Variants in CR1L observed in about 807,000 individuals in gnomAD.
CR1L encodes complement C3b/C4b receptor 1 like.
In CR1L, 59 loss-of-function variants were observed where a neutral mutation model predicts 62.3. The ratio of observed to expected loss-of-function variants is 0.95; its 90% CI spans 0.77 to 1.18. CR1L has a LOEUF of 1.18. Ranked by LOEUF, CR1L falls within the 50% of genes most tolerant of loss-of-function variation. The pLI is 0.00. For missense variants in CR1L, 700 were observed against 702.8 expected, an observed-to-expected ratio of 1.00 and a Z score of 0.04; for synonymous variants, 279 against 248.7, an observed-to-expected ratio of 1.12 and a Z score of -1.15.
intron 9 of CR1L, among the ~76,000 whole-genome samples, chr1:207,705,365 C>T (rs988091284): frequency 6.6e-6 from 1 of 152,204 alleles, no homozygotes; most frequent in African/African-American, 2.4e-5. Context: ...CAACCTATAA[C>T]AGAGTCCCTT....
Position 207,684,865 on chromosome 1 carries a change from T to C in CR1L, c.463+908T>C, listed in dbSNP as rs554629529. On this transcript the variant is annotated intron_variant, in intron 4 of 11. Coordinates refer to ENST00000508064, the MANE Select transcript of CR1L (RefSeq NM_175710.2). The stretch of plus-strand genomic sequence containing the variant: ...TGTCTTACTCTTCTCTTTGGATAAC[T>C]TGGGGACTTCTTTACTTTTCTTCTT... Among the ~76,000 whole-genome samples the C allele has an allele frequency of 4.6e-5, 7 of 152,366 alleles. No individual in the cohort carries two copies. The East Asian group carries it at 1.2e-3, about 25-fold the overall frequency.
intron 1 of CR1L, among the ~76,000 whole-genome samples, chr1:207,666,064 A>T (rs1663518360): frequency 6.6e-6 from 1 of 152,226 alleles, no homozygotes. Context: ...GAAAGAGCTA[A>T]CACGTGTACT....
chr1:207,657,812 C>A (rs374009157), intron 1 of CR1L, among the ~76,000 whole-genome samples: 2 of 152,150 alleles, frequency 1.3e-5, no homozygotes, highest in Non-Finnish European at 2.9e-5. Context: ...ACAAAGAAAT[C>A]ACAGAATAAC....
chr1:207,688,831 T>G (rs76118261), intron 4 of CR1L, among the ~76,000 whole-genome samples: 5,830 of 152,214 alleles, frequency 0.038, 179 homozygotes, highest in South Asian at 0.12. Flanking sequence ...TTTTAAAATT[T>G]TATTCTCTAT....
chr1:207,649,088 T>G (rs192433097), intron 1 of CR1L, among the ~76,000 whole-genome samples: 1 of 152,080 alleles, frequency 6.6e-6, no homozygotes, highest in Non-Finnish European at 1.5e-5. Context: ...GAGAGATCCA[T>G]GCAGGGGAGA....
At chr1:207,710,755 G>A (rs1335231919) in intron 10 of CR1L, 56 of 1,608,196 alleles carry the variant, frequency 3.5e-5, no homozygotes, top group Non-Finnish European at 4.7e-5. Flanking sequence ...CTGAACAAAT[G>A]GGAGCCGGAG....
chr1:207,711,146 C>G (rs1019570758), intron 10 of CR1L, among the ~76,000 whole-genome samples: 2 of 152,192 alleles, frequency 1.3e-5, no homozygotes, highest in African/African-American at 2.4e-5. Flanking sequence ...TTATTTAAAA[C>G]AACACTGTCT....
intron 1 of CR1L, among the ~76,000 whole-genome samples, chr1:207,672,233 T>C (rs1328951336): frequency 6.6e-6 from 1 of 150,608 alleles, no homozygotes; most frequent in Non-Finnish European, 1.5e-5. Flanking sequence ...GGAGTAGCTG[T>C]GTTAATTTCA....
At chr1:207,706,795 G>A (rs1336681172) in intron 9 of CR1L, among the ~76,000 whole-genome samples, 2 of 152,076 alleles carry the variant, frequency 1.3e-5, no homozygotes, top group African/African-American at 2.4e-5. Context: ...TTTTAAAAAG[G>A]AGAATGATGA....
intron 10 of CR1L, among the ~76,000 whole-genome samples, chr1:207,711,043 T>C (rs1664349942): frequency 6.6e-6 from 1 of 152,244 alleles, no homozygotes; most frequent in Non-Finnish European, 1.5e-5. Context: ...CAGGGCAAAG[T>C]ACCAGCTGCA....
intron 1 of CR1L, among the ~76,000 whole-genome samples, chr1:207,645,737 T>A (rs959073278): frequency 1.3e-5 from 2 of 152,150 alleles, no homozygotes; most frequent in African/African-American, 4.8e-5. Flanking sequence ...TGCCCTGTGT[T>A]CCCTTGGTGC....
intron 9 of CR1L, among the ~76,000 whole-genome samples, chr1:207,707,770 T>C (rs923338389): frequency 9.0e-5 from 12 of 133,408 alleles, no homozygotes; most frequent in African/African-American, 3.0e-4. Flanking sequence ...TGCCTCAAGT[T>C]AAATGGCATA....
chr1:207,714,646 C>G (rs1056688553), intron 10 of CR1L, among the ~76,000 whole-genome samples: 2 of 152,008 alleles, frequency 1.3e-5, no homozygotes, highest in African/African-American at 4.8e-5. Flanking sequence ...TAATAATTTC[C>G]AAGGATTCTT....
intron 1 of CR1L, among the ~76,000 whole-genome samples, chr1:207,654,642 G>A (rs1663277738): frequency 1.3e-5 from 2 of 152,084 alleles, no homozygotes; most frequent in African/African-American, 4.8e-5. Context: ...ATATTAATAG[G>A]AGCTAAAACT....
At chr1:207,654,747 T>G (rs1005241086) in intron 1 of CR1L, among the ~76,000 whole-genome samples, 1 of 152,154 alleles carries the variant, frequency 6.6e-6, no homozygotes, top group Non-Finnish European at 1.5e-5. Flanking sequence ...ATCAATTAGG[T>G]AACTGAGTGA....
At chr1:207,688,847 T>C (rs1205525860) in intron 4 of CR1L, among the ~76,000 whole-genome samples, 1 of 152,174 alleles carries the variant, frequency 6.6e-6, no homozygotes, top group Admixed American at 6.5e-5. Flanking sequence ...TCTATTTACT[T>C]CTTAGATATG....
Position 207,701,614 on chromosome 1 carries a change from A to G in CR1L, c.1324A>G (p.Thr442Ala). 1 of 1,613,752 alleles carries G rather than the reference A, an allele frequency of 6.2e-7. No individual in the cohort carries two copies. ...VGSRINYSCT[T>A]GHRLIGHSSA... ...ATCCAGAATCAACTATTCTTGTACT[A>G]CAGGGTGAGTTGGCAGCAACATCTC... Residue 442 changes from threonine (T) to alanine (A), a missense_variant, in exon 9 of 12, where the codon ACA (threonine) becomes GCA (alanine). Thr to Ala is a moderately conservative substitution (Grantham distance 58). Coordinates refer to ENST00000508064, the MANE Select transcript of CR1L (RefSeq NM_175710.2).
chr1:207,717,758 A>G, intron 11 of CR1L, 67 bp downstream of exon 11: 2 of 1,564,738 alleles, frequency 1.3e-6, no homozygotes, highest in Admixed American at 1.8e-5. Flanking sequence ...TCATATTTCT[A>G]TAGTGACAGT....
intron 1 of CR1L, among the ~76,000 whole-genome samples, chr1:207,663,925 G>A (rs1663468912): frequency 6.6e-6 from 1 of 152,160 alleles, no homozygotes; most frequent in Non-Finnish European, 1.5e-5. Context: ...TGCAGAACAC[G>A]ACCTATATTT....
Sources: gnomAD v4.1 joint callset for allele counts (sites outside exome capture counted in the v4.1 genomes callset) on GRCh38, gnomAD v4.1.1 for gene constraint, MANE v1.5 for transcripts, NCBI Gene and HGNC (gene_info 2026-07-23, HGNC 2026-07-21) for gene names.